The following WTIP variants were observed in gnomAD, a reference collection of about 807,000 sequenced individuals.
WTIP encodes the protein Wilms tumor protein 1-interacting protein.
In WTIP, 23 loss-of-function variants were observed where a neutral mutation model predicts 41.7. That is an observed-to-expected ratio of 0.55 (90% CI 0.40 to 0.78). WTIP has a LOEUF of 0.78. WTIP is among the 30% of genes least tolerant of loss of function. The probability of loss-of-function intolerance (pLI) is 0.00; values close to 1 mark genes in which losing one functional copy is unlikely to be tolerated. For missense variants in WTIP, 619 were observed against 610.5 expected (o/e 1.01, Z -0.15); for synonymous variants, 314 against 269.9 (o/e 1.16, Z -1.60).
rs71165663 is a variant in WTIP at position 34,506,761 on chromosome 19, A to AAAATAAATAAAT, written c.*6517_*6528dup. 118 of 149,994 alleles carry AAAATAAATAAAT rather than the reference A, an allele frequency of 7.9e-4. 1 individual carries two copies. Among genetic ancestry groups the AAAATAAATAAAT allele is most frequent in the African/African-American group, 2.6e-3 (104 of 40,200 alleles). 9.3% of individuals were successfully genotyped at this position (149,994 alleles called of 1,614,324 possible). A position where few individuals can be genotyped will look rare whatever the true frequency, so the allele number is the denominator to read the frequency against. ...GGTGACAGAGCTAGACGCTATCTCA[A>AAAATAAATAAAT]AAATAAATAAATAAATAAATAAATA... On this transcript the variant is annotated 3_prime_UTR_variant, in exon 8 of 8. Transcript: ENST00000590071.
rs959498053 is a variant in WTIP, at chr19:34,505,427, T to A, written c.*5158T>A. 2 of 152,236 alleles carry A rather than the reference T, an allele frequency of 1.3e-5. No individual in the cohort carries two copies. The highest frequency in any genetic ancestry group is 2.9e-5 in the Non-Finnish European group (2 of 68,082). 9.4% of individuals were successfully genotyped at this position (152,236 alleles called of 1,614,324 possible). Reference sequence around the variant, plus strand: ...GCCAGGAGGGCATAGGGCCCAAGGATTCCCCAGGGATGCCAGCCCCCCTGT... The same window carrying A: ...GCCAGGAGGGCATAGGGCCCAAGGAATCCCCAGGGATGCCAGCCCCCCTGT... On this transcript the variant is annotated 3_prime_UTR_variant, in exon 8 of 8. Transcript: ENST00000590071.
At chr19:34,498,810 G>A (rs939222904) in intron 7 of WTIP, among the ~76,000 whole-genome samples, 2 of 152,194 alleles carry the variant, frequency 1.3e-5, no homozygotes, top group Non-Finnish European at 2.9e-5. Context: ...TGAGGCAGGA[G>A]AATGGCGTGA....
chr19:34,482,255 C>T lies in WTIP; in HGVS notation c.281C>T (p.Ala94Val), dbSNP rs1449666286. The T allele has an allele frequency of 1.6e-6, 2 of 1,275,532 alleles. No homozygotes were observed. Among genetic ancestry groups the T allele is most frequent in the South Asian group, 1.9e-5 (1 of 53,060 alleles). 79.0% of individuals were successfully genotyped at this position (1,275,532 alleles called of 1,614,324 possible). ...QPAGSPRASL[A>V]GSDGGGGGGS... ...GCGGGCAGCCCACGGGCCAGCCTGGCGGGGTCCGACGGCGGCGGCGGTGGC... is the reference window on the plus strand; with the variant it reads ...GCGGGCAGCCCACGGGCCAGCCTGGTGGGGTCCGACGGCGGCGGCGGTGGC... The change falls in exon 1 of 8, where the codon GCG becomes GTG. Residue 94 changes from alanine to valine, a missense_variant. Ala to Val is a moderately conservative substitution (Grantham distance 64). This residue lies in a region of WTIP where 363 missense variants were observed against 309.0 expected (regional missense o/e 1.17). Coordinates refer to ENST00000590071, the MANE Select transcript of WTIP (RefSeq NM_001080436.2).
Position 34,501,100 on chromosome 19 carries a change from G to T in WTIP, c.*831G>T, listed in dbSNP as rs1200921367. On this transcript the variant is annotated 3_prime_UTR_variant, in exon 8 of 8. Transcript: ENST00000590071. ...AAGGGGCTCCACGACAAAAGGACAA[G>T]ATTTGACTTAAATTAAGTTTTTCCC... 1 of 152,680 alleles carries T rather than the reference G, an allele frequency of 6.5e-6. No individual in the cohort carries two copies. The highest frequency in any genetic ancestry group is 1.5e-5 in the Non-Finnish European group (1 of 68,044). The allele number at this position is 152,680 out of a possible 1,614,324, so 9.5% of individuals were successfully genotyped here.
In WTIP at chr19:34,511,982, C is replaced by T. The variant is rs2075934816; in HGVS notation, c.*11713C>T. ...GAGCTGACACCCTTTAATATTGAGT[C>T]CTGGCTTTGAGGGTCTGGTGCGTTT... is the stretch of plus-strand genomic sequence containing the variant. On this transcript the variant is annotated 3_prime_UTR_variant, in exon 8 of 8. Transcript: ENST00000590071. 6.6e-6 allele frequency: 1 copy of T among 152,198 alleles called. No homozygotes were observed. Among genetic ancestry groups the T allele is most frequent in the Admixed American group, 6.5e-5 (1 of 15,292 alleles). 9.4% of individuals were successfully genotyped at this position (152,198 alleles called of 1,614,324 possible).
In WTIP at chr19:34,482,375, C is replaced by T; in HGVS notation, c.401C>T (p.Pro134Leu). 2 of 1,374,330 alleles carry T rather than the reference C, an allele frequency of 1.5e-6. No individual in the cohort carries two copies. The highest frequency in any genetic ancestry group is 1.5e-5 in the South Asian group (1 of 67,484). The allele number at this position is 1,374,330 out of a possible 1,614,324, so 85.1% of individuals were successfully genotyped here. A position where few individuals can be genotyped will look rare whatever the true frequency, so the allele number is the denominator to read the frequency against. ...TCGGACCCGCGTCCCGGTCCCGGGC[C>T]GCCTTCGGTGGGCAGCGCCCGCTCC... ...GRSDPRPGPG[P>L]PSVGSARSSV... The change falls in exon 1 of 8, where the codon CCG becomes CTG. Residue 134 changes from proline (P) to leucine (L), a missense_variant. Transcript: ENST00000590071.
intron 1 of WTIP, among the ~76,000 whole-genome samples, chr19:34,489,029 C>T (rs1022681990): frequency 2.0e-5 from 3 of 151,502 alleles, no homozygotes; most frequent in Non-Finnish European, 4.4e-5. Flanking sequence ...GAAACCCTAT[C>T]TCTACTAAAA....
chr19:34,491,331 T>TAA lies in WTIP; in HGVS notation c.769+855_769+856insAA, dbSNP rs1479335300. Among the ~76,000 whole-genome samples the TAA allele has an allele frequency of 3.5e-5, 5 of 144,656 alleles. No individual in the cohort carries two copies. The East Asian group carries it at 1.3e-3, about 38-fold the overall frequency. 94.9% of individuals were successfully genotyped at this position (144,656 alleles called of 152,430 possible). On this transcript the variant is annotated intron_variant, in intron 2 of 7. Coordinates refer to ENST00000590071, the MANE Select transcript of WTIP (RefSeq NM_001080436.2). Reference sequence around the variant, plus strand: ...TTTGCACGTTTTTTAATTTTAATTTTATATTTTTTTTTTGAGACAGTCTCG... The same window carrying TAA: ...TTTGCACGTTTTTTAATTTTAATTTTAAATATTTTTTTTTTGAGACAGTCTCG...
chr19:34,484,320 G>C (rs1017847036), intron 1 of WTIP, among the ~76,000 whole-genome samples: 1 of 152,172 alleles, frequency 6.6e-6, no homozygotes, highest in African/African-American at 2.4e-5. Context: ...GGCCAGGCGG[G>C]ATGAGAGATT....
At chr19:34,500,062 C>G in intron 7 of WTIP, 67 bp from the exon 8 acceptor site, 5 of 1,566,272 alleles carry the variant, frequency 3.2e-6, no homozygotes, top group Non-Finnish European at 4.3e-6. Flanking sequence ...CGTCCCTCCC[C>G]CGTCCCGTGA....
intron 1 of WTIP, among the ~76,000 whole-genome samples, chr19:34,487,673 A>G (rs2075804517): frequency 6.6e-6 from 1 of 152,100 alleles, no homozygotes; most frequent in Admixed American, 6.6e-5. Context: ...AAGGCGGGGA[A>G]TGGGGCGGCT....
chr19:34,501,883 CAG>C lies in WTIP; in HGVS notation c.*1619_*1620del, dbSNP rs1169771574. 1.3e-5 allele frequency: 2 copies of C among 152,916 alleles called. No individual in the cohort carries two copies. The highest frequency in any genetic ancestry group is 3.8e-4 in the East Asian group (2 of 5,196). 9.5% of individuals were successfully genotyped at this position (152,916 alleles called of 1,614,324 possible). Reference sequence around the variant, plus strand: ...TTGGAGGAGGTGATCCCACTGGGGCCAGAGAGTAAAGTCCAGGCGTGGAGGCT... The same window carrying C: ...TTGGAGGAGGTGATCCCACTGGGGCCAGAGTAAAGTCCAGGCGTGGAGGCT... On this transcript the variant is annotated 3_prime_UTR_variant, in exon 8 of 8. Coordinates refer to ENST00000590071, the MANE Select transcript of WTIP (RefSeq NM_001080436.2).
chr19:34,507,210 G>A lies in WTIP; in HGVS notation c.*6941G>A, dbSNP rs1017332863. ...TTGCACTCCAGCCTGGGCAACAAGA[G>A]TGAACTCCGTCTCAAAAAAAAAAAA... On this transcript the variant is annotated 3_prime_UTR_variant, in exon 8 of 8. Transcript: ENST00000590071. The A allele has an allele frequency of 7.8e-6, 1 of 128,232 alleles. No homozygotes were observed. The highest frequency in any genetic ancestry group is 1.6e-5 in the Non-Finnish European group (1 of 64,054). 7.9% of individuals were successfully genotyped at this position (128,232 alleles called of 1,614,324 possible). A position where few individuals can be genotyped will look rare whatever the true frequency, so the allele number is the denominator to read the frequency against.
rs2075891683 is a variant in WTIP at position 34,502,273 on chromosome 19, T to G, written c.*2004T>G. On this transcript the variant is annotated 3_prime_UTR_variant, in exon 8 of 8. Transcript: ENST00000590071. ...GCCCGGCTTTTTTTTTTTTTTTTTT[T>G]GAGACAGGGTCTCGTTCTGTCGCCC... 1 of 110,536 alleles carries G rather than the reference T, an allele frequency of 9.0e-6. No individual in the cohort carries two copies. Among genetic ancestry groups the G allele is most frequent in the African/African-American group, 4.7e-5 (1 of 21,456 alleles). The allele number at this position is 110,536 out of a possible 1,614,324, so 6.8% of individuals were successfully genotyped here.
Position 34,500,815 on chromosome 19 carries a change from AC to A in WTIP, c.*549del, listed in dbSNP as rs2075881927. 2.0e-5 allele frequency: 3 copies of A among 152,704 alleles called. No individual in the cohort carries two copies. The allele number at this position is 152,704 out of a possible 1,614,324, so 9.5% of individuals were successfully genotyped here. ...GTCCCAGGAGGGGGTGAGGGGTGAC[AC>A]CCTTGGGGAGGGGGCCTGCAAAGGG... On this transcript the variant is annotated 3_prime_UTR_variant, in exon 8 of 8. Coordinates refer to ENST00000590071, the MANE Select transcript of WTIP (RefSeq NM_001080436.2).
Position 34,483,006 on chromosome 19 carries a change from C to CTTT in WTIP, c.667+379_667+381dup, listed in dbSNP as rs1307348148. 9.8e-4 allele frequency among the ~76,000 whole-genome samples: 121 copies of CTTT among 123,022 alleles called. 3 individuals are homozygous for CTTT. The highest frequency in any genetic ancestry group is 1.4e-3 in the Non-Finnish European group (81 of 58,514). The allele number at this position is 123,022 out of a possible 152,430, so 80.7% of individuals were successfully genotyped here. On this transcript the variant is annotated intron_variant, in intron 1 of 7. Coordinates refer to ENST00000590071, the MANE Select transcript of WTIP (RefSeq NM_001080436.2). ...TTCTTCTTTTTTTTTTTTCTTTCTTCTTTTTTTTTTTTTTTTGAGACAGGG... is the reference window on the plus strand; with the variant it reads ...TTCTTCTTTTTTTTTTTTCTTTCTTCTTTTTTTTTTTTTTTTTTTGAGACAGGG...
rs1315247695 is a variant in WTIP, at chr19:34,500,237, C to T, written c.1261C>T (p.Pro421Ser). The T allele has an allele frequency of 1.9e-6, 3 of 1,608,306 alleles. No homozygotes were observed. Among genetic ancestry groups the T allele is most frequent in the Admixed American group, 1.7e-5 (1 of 59,838 alleles). The part of the protein sequence containing the change: ...HLRRLQPGPL[P>S]SPTVHVTEL ...GCGGCGCCTCCAACCTGGGCCTCTT[C>T]CCTCACCCACTGTGCACGTCACTGA... Residue 421 changes from proline (P) to serine (S), a missense_variant, in exon 8 of 8, where the codon CCC (proline) becomes TCC (serine). Physicochemically the swap from Pro to Ser is moderately conservative, Grantham distance 74 (BLOSUM62 -1). Coordinates refer to ENST00000590071, the MANE Select transcript of WTIP (RefSeq NM_001080436.2).
rs1437859357 is a variant in WTIP at position 34,482,476 on chromosome 19, C to T, written c.502C>T (p.Pro168Ser). Residue 168 changes from proline (P) to serine (S), a missense_variant, in exon 1 of 8, where the codon CCC becomes TCC. Pro to Ser is a moderately conservative substitution (Grantham distance 74). Transcript: ENST00000590071. ...DFLPPGACPA[P>S]ARSPEPAGPA... is the part of the protein sequence containing the mutation. ...CCTCCCGCCCGGCGCCTGCCCCGCGCCCGCTCGCTCCCCGGAGCCTGCGGG... is the reference window on the plus strand; with the variant it reads ...CCTCCCGCCCGGCGCCTGCCCCGCGTCCGCTCGCTCCCCGGAGCCTGCGGG... 4.8e-6 allele frequency: 6 copies of T among 1,250,472 alleles called. No individual in the cohort carries two copies. The highest frequency in any genetic ancestry group is 6.0e-6 in the Non-Finnish European group (6 of 1,001,298). The allele number at this position is 1,250,472 out of a possible 1,614,324, so 77.5% of individuals were successfully genotyped here.
chr19:34,484,491 A>T lies in WTIP; in HGVS notation c.667+1850A>T, dbSNP rs114287491. ...GGGCAGGTCTCGTGGCGCCTGTTGG[A>T]TGGCCTGGGAGCAGGGAGATGTGCC... On this transcript the variant is annotated intron_variant, in intron 1 of 7. Transcript: ENST00000590071. 2.2e-3 allele frequency among the ~76,000 whole-genome samples: 333 copies of T among 152,082 alleles called. 2 individuals carry two copies. The highest frequency in any genetic ancestry group is 7.3e-3 in the African/African-American group (301 of 41,490).
Sources: gnomAD v4.1 joint callset for allele counts (sites outside exome capture counted in the v4.1 genomes callset) on GRCh38, gnomAD v4.1.1 for gene constraint, gnomAD v4.1.1 regional missense constraint, MANE v1.5 for transcripts, NCBI Gene and HGNC (gene_info 2026-07-23, HGNC 2026-07-21) for gene names.